The following CHN1 variants were observed in gnomAD, a reference collection of about 807,000 sequenced individuals.
CHN1 encodes N-chimaerin.
A neutral mutation model predicts 59.5 loss-of-function variants in CHN1; 37 were observed. The ratio of observed to expected loss-of-function variants is 0.62; its 90% CI spans 0.48 to 0.82. The LOEUF (loss-of-function observed/expected upper bound fraction) is 0.82. Ranked by LOEUF, CHN1 falls within the 40% of genes least tolerant of loss-of-function variation. CHN1 has a pLI of 0.00. For synonymous variants in CHN1, 206 were observed against 200.4 expected, an observed-to-expected ratio of 1.03 and a Z score of -0.24; for missense variants, 469 against 571.0, an observed-to-expected ratio of 0.82 and a Z score of 1.82.
intron 1 of CHN1, among the ~76,000 whole-genome samples, chr2:174,969,753 A>G (rs1690701033): frequency 6.6e-6 from 1 of 151,074 alleles, no homozygotes; most frequent in Non-Finnish European, 1.5e-5. Flanking sequence ...TATCAATTTT[A>G]TATTGTTGTT....
intron 3 of CHN1, among the ~76,000 whole-genome samples, chr2:174,943,183 TGTGTG>T (rs1689721454): frequency 2.8e-5 from 1 of 35,572 alleles, no homozygotes; most frequent in South Asian, 5.1e-4. Flanking sequence ...AGGGTTTGCT[TGTGTG>T]TGTGTGTGTG....
chr2:174,997,206 C>G (rs1574257238), intron 1 of CHN1, among the ~76,000 whole-genome samples: 2 of 152,122 alleles, frequency 1.3e-5, no homozygotes, highest in East Asian at 3.9e-4. Context: ...AATTATAGAA[C>G]AGTACTCATC....
At chr2:174,918,986 T>C in intron 3 of CHN1, among the ~76,000 whole-genome samples, 1 of 152,170 alleles carries the variant, frequency 6.6e-6, no homozygotes, top group East Asian at 1.9e-4. Flanking sequence ...CATATACTCT[T>C]ACCCTTCTGT....
chr2:174,815,857 T>G (rs904087067), intron 8 of CHN1, among the ~76,000 whole-genome samples: 3 of 152,236 alleles, frequency 2.0e-5, no homozygotes, highest in Non-Finnish European at 2.9e-5. Flanking sequence ...TGTAGTCAAT[T>G]TGTTTAGATT....
At chr2:174,914,209 A>G (rs1688773879) in intron 5 of CHN1, among the ~76,000 whole-genome samples, 2 of 152,360 alleles carry the variant, frequency 1.3e-5, no homozygotes, top group South Asian at 2.1e-4. Flanking sequence ...GAGGCCTGGC[A>G]TAAGGTAAGT....
Position 175,004,821 on chromosome 2 carries a change from CCCCCCAGGCCCCCG to C in CHN1, c.19+59_19+72del, listed in dbSNP as rs1350622185. On this transcript the variant is annotated intron_variant, in intron 1 of 12. Coordinates refer to ENST00000409900, the MANE Select transcript of CHN1 (RefSeq NM_001822.7). ...CGCGCCCCCTCCCCGGGCGCCCAGG[CCCCCCAGGCCCCCG>C]CCCCCGAGCCCCGGGACGCGGCCCA... The C allele has an allele frequency of 1.2e-3, 1,276 of 1,023,538 alleles. 11 individuals carry two copies. In the African/African-American group the frequency reaches 0.019, roughly 15 times the overall value. The allele number at this position is 1,023,538 out of a possible 1,614,324, so 63.4% of individuals were successfully genotyped here. A position where few individuals can be genotyped will look rare whatever the true frequency, so the allele number is the denominator to read the frequency against.
At chr2:174,865,148 T>C (rs1249192646) in intron 6 of CHN1, among the ~76,000 whole-genome samples, 1 of 152,220 alleles carries the variant, frequency 6.6e-6, no homozygotes. Flanking sequence ...TTCAATGAAT[T>C]GGAATCTTCG....
At chr2:174,803,584 C>T (rs537188982) in intron 11 of CHN1, among the ~76,000 whole-genome samples, 1 of 152,290 alleles carries the variant, frequency 6.6e-6, no homozygotes, top group East Asian at 1.9e-4. Flanking sequence ...TTCTTTGAGA[C>T]AGCTCTGTCA....
At chr2:174,927,101 G>T (rs908339147) in intron 3 of CHN1, among the ~76,000 whole-genome samples, 60 of 151,976 alleles carry the variant, frequency 3.9e-4, no homozygotes, top group African/African-American at 1.4e-3. Flanking sequence ...CCCAATATCT[G>T]CCCTTTACCC....
In CHN1 at chr2:174,938,554, G is replaced by A. The variant is rs181174442; in HGVS notation, c.114+6334C>T. Among the ~76,000 whole-genome samples, 304 of 152,096 alleles carry A rather than the reference G, an allele frequency of 2.0e-3. 1 individual carries two copies. Among genetic ancestry groups the A allele is most frequent in the African/African-American group, 6.9e-3 (287 of 41,476 alleles). On this transcript the variant is annotated intron_variant, in intron 3 of 12. Transcript: ENST00000409900. The stretch of plus-strand genomic sequence containing the variant: ...TAACTGTCATTTAGTTATCACCTGG[G>A]AAAAACAGAAAAACATTGAACAACC...
rs1182074731 is a variant in CHN1, at chr2:174,800,289, T to A, written c.1209-2A>T. The stretch of plus-strand genomic sequence containing the variant: ...TTCTCCTTTTCGTGGAGGGTCACTC[T>A]GAAAAATGCAAGTACAGGAATAAAT... On this transcript the variant is annotated splice_acceptor_variant, in intron 12 of 12. Transcript: ENST00000409900. LOFTEE classifies it high-confidence loss of function. 1 of 1,430,394 alleles carries A rather than the reference T, an allele frequency of 7.0e-7. No homozygotes were observed. The highest frequency in any genetic ancestry group is 9.2e-7 in the Non-Finnish European group (1 of 1,089,982). 88.6% of individuals were successfully genotyped at this position (1,430,394 alleles called of 1,614,324 possible). A position where few individuals can be genotyped will look rare whatever the true frequency, so the allele number is the denominator to read the frequency against.
chr2:174,920,648 T>C (rs1334903188), intron 3 of CHN1, among the ~76,000 whole-genome samples: 1 of 152,180 alleles, frequency 6.6e-6, no homozygotes, highest in Non-Finnish European at 1.5e-5. Context: ...CTTGATATAG[T>C]TACTCACAGC....
intron 5 of CHN1, among the ~76,000 whole-genome samples, chr2:174,887,388 TTC>T (rs1687924694): frequency 6.6e-6 from 1 of 152,112 alleles, no homozygotes; most frequent in Admixed American, 6.5e-5. Flanking sequence ...CAGAATGTAT[TTC>T]TGTGTTTATT....
At chr2:174,916,191 C>T (rs1206678559) in intron 4 of CHN1, among the ~76,000 whole-genome samples, 1 of 152,194 alleles carries the variant, frequency 6.6e-6, no homozygotes, top group Non-Finnish European at 1.5e-5. Flanking sequence ...TTCATACAAA[C>T]TCTTTCACAA....
At chr2:174,802,040 G>A in intron 11 of CHN1, 1 of 385,948 alleles carries the variant, frequency 2.6e-6, no homozygotes, top group Non-Finnish European at 4.9e-6. Flanking sequence ...GGGGATGGAG[G>A]GAACATCCAG....
In CHN1 at chr2:174,972,049, A is replaced by T. The variant is rs1165083498; in HGVS notation, c.20-19847T>A. ...CAACTATCACTAGGCTAAACAATGA[A>T]CAATAATAACCCTGAGGTATCTGGC... On this transcript the variant is annotated intron_variant, in intron 1 of 12. Coordinates refer to ENST00000409900, the MANE Select transcript of CHN1 (RefSeq NM_001822.7). 5.9e-5 allele frequency among the ~76,000 whole-genome samples: 9 copies of T among 152,174 alleles called. No homozygotes were observed. In the East Asian group the frequency reaches 1.7e-3, roughly 29 times the overall value.
chr2:174,993,824 TAATA>T (rs1691625790), intron 1 of CHN1, among the ~76,000 whole-genome samples: 1 of 152,156 alleles, frequency 6.6e-6, no homozygotes, highest in Non-Finnish European at 1.5e-5. Flanking sequence ...CAAGAGGCAT[TAATA>T]AATAACAGAA....
In CHN1 at chr2:174,801,970, A is replaced by G. The variant is rs1034228080; in HGVS notation, c.1103-158T>C. 6 of 553,548 alleles carry G rather than the reference A, an allele frequency of 1.1e-5. 1 individual carries two copies. The Admixed American group carries it at 1.1e-4, about 10-fold the overall frequency. 34.3% of individuals were successfully genotyped at this position (553,548 alleles called of 1,614,324 possible). A position where few individuals can be genotyped will look rare whatever the true frequency, so the allele number is the denominator to read the frequency against. On this transcript the variant is annotated intron_variant, in intron 11 of 12. Transcript: ENST00000409900. ...GCTTTGGAAATTATTTTTAAGGTTCAAGTCCAGATTTCCAAAGGCTCTTAG... is the reference window on the plus strand; with the variant it reads ...GCTTTGGAAATTATTTTTAAGGTTCGAGTCCAGATTTCCAAAGGCTCTTAG...
intron 6 of CHN1, among the ~76,000 whole-genome samples, chr2:174,848,522 A>G (rs1471716858): frequency 2.0e-5 from 3 of 152,294 alleles, no homozygotes; most frequent in Admixed American, 2.0e-4. Context: ...CCAATGTTAC[A>G]CTGTATTTAA....
Sources: gnomAD v4.1 joint callset for allele counts (sites outside exome capture counted in the v4.1 genomes callset) on GRCh38, gnomAD v4.1.1 for gene constraint, MANE v1.5 for transcripts, NCBI Gene and HGNC (gene_info 2026-07-23, HGNC 2026-07-21) for gene names.